The following MSRA variants were observed in gnomAD, a reference collection of about 807,000 sequenced individuals.
The protein encoded by MSRA is mitochondrial peptide methionine sulfoxide reductase.
In MSRA, 54 loss-of-function variants were observed where a neutral mutation model predicts 31.3. That is an observed-to-expected ratio of 1.73 (90% CI 1.39 to 2.17). The LOEUF is 2.17. MSRA is among the 30% of genes most tolerant of loss of function. The pLI is 0.00. For missense variants in MSRA, 507 were observed against 300.9 expected, an observed-to-expected ratio of 1.69 and a Z score of -5.07; for synonymous variants, 169 against 116.5, an observed-to-expected ratio of 1.45 and a Z score of -2.90.
chr8:10,269,719 C>T (rs945728044), intron 3 of MSRA, among the ~76,000 whole-genome samples: 5 of 152,156 alleles, frequency 3.3e-5, no homozygotes, highest in East Asian at 1.9e-4. Context: ...GACTTGATCT[C>T]GGCTCACTGC....
chr8:10,364,735 C>T (rs1057042703), intron 5 of MSRA, among the ~76,000 whole-genome samples: 12 of 152,198 alleles, frequency 7.9e-5, no homozygotes, highest in Admixed American at 7.2e-4. Flanking sequence ...ATTCCCTCGG[C>T]AGATGGGCGT....
At chr8:10,334,826 T>G (rs1382031908) in intron 5 of MSRA, among the ~76,000 whole-genome samples, 4 of 152,240 alleles carry the variant, frequency 2.6e-5, no homozygotes, top group Non-Finnish European at 5.9e-5. Context: ...CTCCCTCTGG[T>G]GGGACCATTT....
chr8:10,061,015 A>C (rs1366030676), intron 1 of MSRA, among the ~76,000 whole-genome samples: 2 of 152,310 alleles, frequency 1.3e-5, no homozygotes, highest in East Asian at 1.9e-4. Context: ...TAGGATACAG[A>C]ATTGTTATTT....
At chr8:10,152,533 C>G (rs1803786428) in intron 1 of MSRA, among the ~76,000 whole-genome samples, 1 of 152,008 alleles carries the variant, frequency 6.6e-6, no homozygotes, top group Non-Finnish European at 1.5e-5. Context: ...GAAGCTTCAG[C>G]TAAATCAGGT....
At chr8:10,144,503 T>C (rs1802972140) in intron 1 of MSRA, among the ~76,000 whole-genome samples, 1 of 152,206 alleles carries the variant, frequency 6.6e-6, no homozygotes, top group Non-Finnish European at 1.5e-5. Context: ...TGTAAATAGA[T>C]GAAACAGAAC....
chr8:10,381,082 T>C (rs992757400), intron 5 of MSRA, among the ~76,000 whole-genome samples: 1 of 152,072 alleles, frequency 6.6e-6, no homozygotes. Flanking sequence ...TTGATGGATA[T>C]CCTATATCTA....
At chr8:10,337,403 TCTC>T in intron 5 of MSRA, 1 of 271,420 alleles carries the variant, frequency 3.7e-6, no homozygotes, top group Non-Finnish European at 7.1e-6. Flanking sequence ...ATGATCTGGA[TCTC>T]CTGACCTCGT....
At chr8:10,327,034 T>C (rs1802402814) in intron 5 of MSRA, among the ~76,000 whole-genome samples, 1 of 152,194 alleles carries the variant, frequency 6.6e-6, no homozygotes, top group African/African-American at 2.4e-5. Flanking sequence ...TTCTGCCAGC[T>C]CTTCAAGTCT....
At chr8:10,153,610 T>C (rs1476609716) in intron 1 of MSRA, among the ~76,000 whole-genome samples, 1 of 152,198 alleles carries the variant, frequency 6.6e-6, no homozygotes, top group East Asian at 1.9e-4. Context: ...GTTAGGGATA[T>C]TGACATTGGT....
intron 1 of MSRA, among the ~76,000 whole-genome samples, chr8:10,108,578 T>C (rs1165240814): frequency 1.3e-5 from 2 of 152,206 alleles, no homozygotes; most frequent in African/African-American, 2.4e-5. Context: ...ACTGTCATAT[T>C]ATTCATGCCC....
At chr8:10,321,631 C>G (rs923417391) in intron 5 of MSRA, among the ~76,000 whole-genome samples, 1 of 152,222 alleles carries the variant, frequency 6.6e-6, no homozygotes, top group Non-Finnish European at 1.5e-5. Flanking sequence ...GTGATGGGAG[C>G]ACTCTGAGAC....
chr8:10,123,560 T>G (rs779410904), intron 1 of MSRA, among the ~76,000 whole-genome samples: 19 of 152,336 alleles, frequency 1.2e-4, no homozygotes, highest in Middle Eastern at 3.4e-3. Flanking sequence ...TTGTTGCAAT[T>G]GCTTTTGGCA....
At chr8:10,080,273 T>G (rs1214411861) in intron 1 of MSRA, among the ~76,000 whole-genome samples, 1 of 152,184 alleles carries the variant, frequency 6.6e-6, no homozygotes, top group African/African-American at 2.4e-5. Flanking sequence ...CCCTTATTAG[T>G]ATTTCATTTC....
chr8:10,372,193 G>C (rs1227516746), intron 5 of MSRA, among the ~76,000 whole-genome samples: 1 of 152,136 alleles, frequency 6.6e-6, no homozygotes, highest in African/African-American at 2.4e-5. Context: ...CACTACTCGG[G>C]GCTTTCATGC....
chr8:10,203,275 G>A (rs1158904442), intron 1 of MSRA, among the ~76,000 whole-genome samples: 2 of 152,166 alleles, frequency 1.3e-5, no homozygotes, highest in Admixed American at 6.5e-5. Context: ...GGGAAGAGGG[G>A]TTGAGATTTA....
intron 3 of MSRA, among the ~76,000 whole-genome samples, chr8:10,258,078 C>T (rs1798277040): frequency 6.6e-6 from 1 of 152,090 alleles, no homozygotes; most frequent in African/African-American, 2.4e-5. Flanking sequence ...ATTTTCATAA[C>T]AGCTGGGGGA....
At chr8:10,081,820 A>G (rs1246726775) in intron 1 of MSRA, among the ~76,000 whole-genome samples, 1 of 152,144 alleles carries the variant, frequency 6.6e-6, no homozygotes. Flanking sequence ...TTGAGGGGGT[A>G]CCCAGATTCG....
At chr8:10,391,603 A>C (rs1346853637) in intron 5 of MSRA, among the ~76,000 whole-genome samples, 1 of 152,260 alleles carries the variant, frequency 6.6e-6, no homozygotes, top group Admixed American at 6.5e-5. Flanking sequence ...GTCAGGTGAC[A>C]AGATGAGGAT....
chr8:10,115,962 C>T (rs942262098), intron 1 of MSRA, among the ~76,000 whole-genome samples: 8 of 152,176 alleles, frequency 5.3e-5, no homozygotes, highest in Admixed American at 2.6e-4. Flanking sequence ...GAATAGTTGC[C>T]GTCCCCTTCA....
Sources: allele counts gnomAD v4.1 joint callset (sites outside exome capture counted in the v4.1 genomes callset), GRCh38; gene constraint gnomAD v4.1.1; transcripts MANE v1.5; gene names NCBI Gene and HGNC (gene_info 2026-07-23, HGNC 2026-07-21).